The following SLC25A47 variants were observed in gnomAD, a reference collection of about 807,000 sequenced individuals.
SLC25A47 encodes solute carrier family 25 member 47.
In SLC25A47, 30 loss-of-function variants were observed where a neutral mutation model predicts 29.8. That is an observed-to-expected ratio of 1.01 (90% CI 0.75 to 1.36). The LOEUF (loss-of-function observed/expected upper bound fraction) is 1.36, where lower values mean the gene tolerates loss of function less well. Ranked by LOEUF, SLC25A47 falls within the 40% of genes most tolerant of loss-of-function variation. The pLI is 0.00. For synonymous variants in SLC25A47, 204 were observed against 197.8 expected, an observed-to-expected ratio of 1.03 and a Z score of -0.26; for missense variants, 430 against 441.9, an observed-to-expected ratio of 0.97 and a Z score of 0.24.
At chr14:100,325,140 G>A (rs1274927787) in intron 1 of SLC25A47, among the ~76,000 whole-genome samples, 1 of 152,194 alleles carries the variant, frequency 6.6e-6, no homozygotes, top group Non-Finnish European at 1.5e-5. Flanking sequence ...TTTCCCCTCT[G>A]ACTTCCCTGT....
intron 4 of SLC25A47, 87 bp downstream of exon 4, chr14:100,327,457 G>A: frequency 7.1e-7 from 1 of 1,399,890 alleles, no homozygotes; most frequent in South Asian, 1.4e-5. Flanking sequence ...GGGAAACTGA[G>A]GCTTGATGAG....
chr14:100,327,007 C>G (rs1018502419), intron 3 of SLC25A47, among the ~76,000 whole-genome samples, 181 bp from the exon 4 acceptor site: 1 of 152,186 alleles, frequency 6.6e-6, no homozygotes, highest in African/African-American at 2.4e-5. Flanking sequence ...GCCTGGTCCT[C>G]TGGCTCTTCA....
At position 100,329,381 on chromosome 14, in the gene SLC25A47, G is replaced by C. The variant is rs1342640889; in HGVS notation, c.663G>C (p.Leu221=). The change falls in exon 6 of 6, where the codon CTG becomes CTC. Residue 221 remains leucine, a synonymous_variant. Coordinates refer to ENST00000361529, the MANE Select transcript of SLC25A47 (RefSeq NM_207117.4). ...TCTCTGCAGATGTCCCGGGCGTGCT[G>C]GTGGCCGGGGGCTGTGCAGGAGTCC... ...GHSRPDVPGV[L]VAGGCAGVLA... 2 of 1,604,872 alleles carry C rather than the reference G, an allele frequency of 1.2e-6. No homozygotes were observed. Among genetic ancestry groups the C allele is most frequent in the Non-Finnish European group, 1.7e-6 (2 of 1,175,640 alleles).
intron 3 of SLC25A47, 108 bp from the exon 4 acceptor site, chr14:100,327,080 C>A: frequency 2.7e-6 from 3 of 1,111,386 alleles, no homozygotes; most frequent in African/African-American, 1.6e-5. Context: ...CCGTGAATGA[C>A]CTTCCCGAGG....
At chr14:100,328,116 T>TTC in intron 4 of SLC25A47, among the ~76,000 whole-genome samples, 2 of 151,162 alleles carry the variant, frequency 1.3e-5, no homozygotes, top group Middle Eastern at 6.8e-3. Flanking sequence ...CTAGTGATTT[T>TTC]TTTTTTTTTT....
Position 100,329,808 on chromosome 14 carries a change from C to A in SLC25A47, c.*163C>A. ...TTGTCGGCCGAGGCCTGAGCTCGCC[C>A]TGCCCAGCTACTGACCTCAGGTCGA... On this transcript the variant is annotated 3_prime_UTR_variant, in exon 6 of 6. Transcript: ENST00000361529. The A allele has an allele frequency of 1.0e-6, 1 of 1,003,436 alleles. No individual in the cohort carries two copies. Among genetic ancestry groups the A allele is most frequent in the South Asian group, 1.7e-5 (1 of 60,294 alleles). 62.2% of individuals were successfully genotyped at this position (1,003,436 alleles called of 1,614,324 possible). A position where few individuals can be genotyped will look rare whatever the true frequency, so the allele number is the denominator to read the frequency against.
At position 100,330,024 on chromosome 14, in the gene SLC25A47, T is replaced by G; in HGVS notation, c.*379T>G. 7.7e-6 allele frequency: 2 copies of G among 261,124 alleles called. No individual in the cohort carries two copies. The highest frequency in any genetic ancestry group is 9.6e-5 in the East Asian group (1 of 10,368). The allele number at this position is 261,124 out of a possible 1,614,324, so 16.2% of individuals were successfully genotyped here. The stretch of plus-strand genomic sequence containing the variant: ...GTGTGCTCAGCCACCCTCTGCCCCA[T>G]TCCTAGACCCTCACCCCCACCACTG... On this transcript the variant is annotated 3_prime_UTR_variant, in exon 6 of 6. Coordinates refer to ENST00000361529, the MANE Select transcript of SLC25A47 (RefSeq NM_207117.4).
intron 1 of SLC25A47, among the ~76,000 whole-genome samples, chr14:100,325,216 G>T (rs1476905758): frequency 6.6e-6 from 1 of 152,172 alleles, no homozygotes; most frequent in East Asian, 1.9e-4. Context: ...GTGGACTCCC[G>T]GCCCTCTCTC....
rs530776712 is a variant in SLC25A47, at chr14:100,329,321, G to A, written c.647-44G>A. On this transcript the variant is annotated intron_variant, in intron 5 of 5. Transcript: ENST00000361529. ...GAGTCCAGGGTGCGCTGCCCTGGGCGCCCCGATCAGGCTCCCAGTCAAGGC... is the reference window on the plus strand; with the variant it reads ...GAGTCCAGGGTGCGCTGCCCTGGGCACCCCGATCAGGCTCCCAGTCAAGGC... 1.7e-5 allele frequency: 26 copies of A among 1,545,802 alleles called. No individual in the cohort carries two copies. The South Asian group carries it at 2.2e-4, about 13-fold the overall frequency.
At chr14:100,328,683 C>T (rs774883806) in intron 4 of SLC25A47, 43 bp from the exon 5 acceptor site, 1 of 1,589,224 alleles carries the variant, frequency 6.3e-7, no homozygotes, top group Admixed American at 1.7e-5. Flanking sequence ...AGGCTGTGGG[C>T]AGAGCCACAG....
intron 1 of SLC25A47, among the ~76,000 whole-genome samples, chr14:100,324,537 C>T (rs1295410587): frequency 6.6e-6 from 1 of 152,222 alleles, no homozygotes; most frequent in Admixed American, 6.5e-5. Flanking sequence ...CATTAGCAGC[C>T]TTTCTCAGCC....
rs762039966 is a variant in SLC25A47 at position 100,326,220 on chromosome 14, C to T, written c.136C>T (p.Arg46Ter). The change falls in exon 3 of 6, where the codon CGA becomes TGA. Residue 46 changes from arginine to a stop codon, truncating the protein, a stop_gained. Transcript: ENST00000361529. LOFTEE classifies it high-confidence loss of function. ...IWHCVRDTYH[R>*]ERVWGFYRGL... is the part of the protein sequence containing the mutation. ...GCACTGCGTCCGGGATACGTATCAC[C>T]GAGAGCGCGTAGGTCTGGGGCCAGG... The T allele has an allele frequency of 1.3e-5, 21 of 1,613,586 alleles. No homozygotes were observed. Among genetic ancestry groups the T allele is most frequent in the Admixed American group, 5.0e-5 (3 of 59,968 alleles).
Position 100,323,419 on chromosome 14 carries a change from A to T in SLC25A47, c.5A>T (p.Asp2Val), listed in dbSNP as rs780208512. The T allele has an allele frequency of 6.8e-6, 11 of 1,613,648 alleles. No homozygotes were observed. The highest frequency in any genetic ancestry group is 1.3e-5 in the African/African-American group (1 of 74,912). Residue 2 changes from aspartate to valine, a missense_variant, in exon 1 of 6, where the codon GAT (aspartate) becomes GTT (valine). Coordinates refer to ENST00000361529, the MANE Select transcript of SLC25A47 (RefSeq NM_207117.4). The part of the protein sequence containing the change: M[D>V]FVAGAIGGVC... ...CCTCCCCGCCACACCTTGTTCATGG[A>T]TTTTGTCGCTGGAGCCATCGGAGGT...
In SLC25A47 at chr14:100,326,199, T is replaced by C. The variant is rs747793389; in HGVS notation, c.115T>C (p.Cys39Arg). 3.4e-5 allele frequency: 55 copies of C among 1,613,744 alleles called. No homozygotes were observed. The highest frequency in any genetic ancestry group is 4.3e-5 in the Non-Finnish European group (51 of 1,179,990). The change falls in exon 3 of 6, where the codon TGC (cysteine) becomes CGC (arginine). Residue 39 changes from cysteine to arginine, a missense_variant. Physicochemically the swap from Cys to Arg is radical, Grantham distance 180. Transcript: ENST00000361529. ...TEPKYTGIWHCVRDTYHRERV... is the reference protein window; with the variant it reads ...TEPKYTGIWHRVRDTYHRERV... Reference sequence around the variant, plus strand: ...GCCAAAGTACACAGGCATCTGGCACTGCGTCCGGGATACGTATCACCGAGA... The same window carrying C: ...GCCAAAGTACACAGGCATCTGGCACCGCGTCCGGGATACGTATCACCGAGA...
intron 1 of SLC25A47, among the ~76,000 whole-genome samples, chr14:100,323,924 A>G (rs970160690): frequency 2.0e-5 from 3 of 152,114 alleles, no homozygotes; most frequent in Non-Finnish European, 4.4e-5. Flanking sequence ...GGGTGTGTGC[A>G]CCTGGCTAGG....
chr14:100,329,771 C>A lies in SLC25A47; in HGVS notation c.*126C>A. On this transcript the variant is annotated 3_prime_UTR_variant, in exon 6 of 6. Transcript: ENST00000361529. ...GCCATTGCCCAGGAGAATGAGGAGC[C>A]TCCCTGCAGTGTTGTCGGCCGAGGC... The A allele has an allele frequency of 7.7e-7, 1 of 1,296,444 alleles. No individual in the cohort carries two copies. The highest frequency in any genetic ancestry group is 1.1e-6 in the Non-Finnish European group (1 of 949,328). 80.3% of individuals were successfully genotyped at this position (1,296,444 alleles called of 1,614,324 possible).
intron 1 of SLC25A47, among the ~76,000 whole-genome samples, chr14:100,323,875 C>T (rs761674219): frequency 2.0e-5 from 3 of 152,050 alleles, no homozygotes; most frequent in African/African-American, 4.8e-5. Context: ...GGGCAGAGGA[C>T]GGTAAGGGGC....
In SLC25A47 at chr14:100,329,645, G is replaced by C; in HGVS notation, c.927G>C (p.Ter309TyrextTer17). Residue 309 changes from the stop codon to tyrosine, a stop_lost, in exon 6 of 6, where the codon TAG becomes TAC. Coordinates refer to ENST00000361529, the MANE Select transcript of SLC25A47 (RefSeq NM_207117.4). ...VLRLARGLLT* is the reference protein window; with the variant it reads ...VLRLARGLLTY Reference sequence around the variant, plus strand: ...GGCTCGCCCGGGGTCTGCTCACATAGCCGGTCCCCACGCCCAGCGGCCCAC... The same window carrying C: ...GGCTCGCCCGGGGTCTGCTCACATACCCGGTCCCCACGCCCAGCGGCCCAC... The C allele has an allele frequency of 6.2e-7, 1 of 1,604,176 alleles. No homozygotes were observed. Among genetic ancestry groups the C allele is most frequent in the Non-Finnish European group, 8.5e-7 (1 of 1,174,256 alleles).
Position 100,329,672 on chromosome 14 carries a change from C to A in SLC25A47, c.*27C>A. ...CGGTCCCCACGCCCAGCGGCCCACC[C>A]ACCAGCAGCTGCTGGAGGTCGTAGT... On this transcript the variant is annotated 3_prime_UTR_variant, in exon 6 of 6. Transcript: ENST00000361529. 6.3e-7 allele frequency: 1 copy of A among 1,587,750 alleles called. No individual in the cohort carries two copies. The highest frequency in any genetic ancestry group is 8.6e-7 in the Non-Finnish European group (1 of 1,166,224).
Sources: gnomAD v4.1 joint callset for allele counts (sites outside exome capture counted in the v4.1 genomes callset) on GRCh38, gnomAD v4.1.1 for gene constraint, MANE v1.5 for transcripts, NCBI Gene and HGNC (gene_info 2026-07-23, HGNC 2026-07-21) for gene names.